Variants in SOBP observed in about 807,000 individuals in gnomAD.
SOBP encodes the protein sine oculis-binding protein homolog.
In SOBP, 4 loss-of-function variants were observed where a neutral mutation model predicts 53.6. That is an observed-to-expected ratio of 0.07 (90% CI 0.04 to 0.17). The LOEUF (loss-of-function observed/expected upper bound fraction) is 0.17, where lower values mean the gene tolerates loss of function less well. SOBP is among the 10% of genes least tolerant of loss of function. SOBP has a pLI of 1.00. For missense variants in SOBP, 1,088 were observed against 1,204.7 expected (o/e 0.90, Z 1.43); for synonymous variants, 584 against 522.6 (o/e 1.12, Z -1.60).
At chr6:107,512,099 A>C (rs1783187275) in intron 3 of SOBP, among the ~76,000 whole-genome samples, 1 of 152,204 alleles carries the variant, frequency 6.6e-6, no homozygotes, top group Non-Finnish European at 1.5e-5. Flanking sequence ...GAAAATAATA[A>C]AAGTATTGAC....
At chr6:107,586,602 G>T (rs1486078033) in intron 4 of SOBP, among the ~76,000 whole-genome samples, 1 of 151,792 alleles carries the variant, frequency 6.6e-6, no homozygotes, top group Non-Finnish European at 1.5e-5. Context: ...ATTTAAAAAT[G>T]GAGGGGAATC....
In SOBP at chr6:107,661,140, C is replaced by T. The variant is rs961569849; in HGVS notation, c.*2937C>T. Among the ~76,000 whole-genome samples, 1 of 152,152 alleles carries T rather than the reference C, an allele frequency of 6.6e-6. No individual in the cohort carries two copies. Among genetic ancestry groups the T allele is most frequent in the African/African-American group, 2.4e-5 (1 of 41,430 alleles). On this transcript the variant is annotated 3_prime_UTR_variant, in exon 7 of 7. Transcript: ENST00000317357. The stretch of plus-strand genomic sequence containing the variant: ...AAGATTGTCAAGCAAACATTTTGAC[C>T]CTTCTGGAAACAAAAGGTACCTTTG...
intron 5 of SOBP, among the ~76,000 whole-genome samples, chr6:107,599,873 G>A (rs1786112040): frequency 6.6e-6 from 1 of 152,158 alleles, no homozygotes; most frequent in African/African-American, 2.4e-5. Flanking sequence ...TGTTTCAGTT[G>A]TAAACATGAA....
chr6:107,551,964 T>C (rs903959810), intron 4 of SOBP, among the ~76,000 whole-genome samples: 2 of 152,144 alleles, frequency 1.3e-5, no homozygotes, highest in Admixed American at 6.5e-5. Flanking sequence ...GAGGTTTCAG[T>C]GAGCTGAGAT....
chr6:107,581,230 A>G (rs1785392046), intron 4 of SOBP, among the ~76,000 whole-genome samples: 1 of 152,196 alleles, frequency 6.6e-6, no homozygotes, highest in African/African-American at 2.4e-5. Context: ...GGCAAGGACC[A>G]GGAGGAAGAG....
intron 2 of SOBP, among the ~76,000 whole-genome samples, chr6:107,504,066 A>T (rs1330852389): frequency 6.6e-6 from 1 of 152,248 alleles, no homozygotes. Flanking sequence ...GGTCCTGCAT[A>T]CAGATTTAAA....
chr6:107,556,871 A>G (rs1414057320), intron 4 of SOBP, among the ~76,000 whole-genome samples: 1 of 152,268 alleles, frequency 6.6e-6, no homozygotes, highest in East Asian at 1.9e-4. Context: ...GACTGATGAA[A>G]GAGAACCATG....
chr6:107,622,499 A>C (rs752815625), intron 5 of SOBP, among the ~76,000 whole-genome samples: 1 of 152,256 alleles, frequency 6.6e-6, no homozygotes, highest in Non-Finnish European at 1.5e-5. Flanking sequence ...CATTAGCAGG[A>C]ACAAACAATT....
chr6:107,532,602 A>C (rs13436986), intron 3 of SOBP, among the ~76,000 whole-genome samples: 6,468 of 152,266 alleles, frequency 0.042, 463 homozygotes, highest in African/African-American at 0.15. Flanking sequence ...TCTCATACAA[A>C]GGAAAAGAAA....
intron 2 of SOBP, 130 bp from the exon 3 acceptor site, chr6:107,506,112 C>A: frequency 2.5e-6 from 2 of 787,262 alleles, no homozygotes; most frequent in Non-Finnish European, 4.2e-6. Flanking sequence ...AGTTCTAGTA[C>A]ATTGTTTAAA....
chr6:107,634,656 GGCCCTGAGCCTGGCGCCCACGCCC>G lies in SOBP; in HGVS notation c.1816_1839del (p.Leu606_Ala613del). 2 of 1,560,358 alleles carry G rather than the reference GGCCCTGAGCCTGGCGCCCACGCCC, an allele frequency of 1.3e-6. No homozygotes were observed. The highest frequency in any genetic ancestry group is 1.7e-6 in the Non-Finnish European group (2 of 1,159,252). ...ACTCGCCCCCCGGCTGCTCGGGCCAGGCCCTGAGCCTGGCGCCCACGCCCGCCGAGCATGGCCGGAGCGAGGTGG... is the reference window on the plus strand; with the variant it reads ...ACTCGCCCCCCGGCTGCTCGGGCCAGGCCGAGCATGGCCGGAGCGAGGTGG... On this transcript the variant is annotated inframe_deletion, in exon 6 of 7. Transcript: ENST00000317357. The surrounding 1 kb of genome is among the most constrained non-coding windows in gnomAD (Gnocchi z 4.5).
At chr6:107,639,275 G>A (rs969100972) in intron 6 of SOBP, among the ~76,000 whole-genome samples, 1 of 152,122 alleles carries the variant, frequency 6.6e-6, no homozygotes, top group African/African-American at 2.4e-5. Context: ...TAGCAACCGA[G>A]GCAGCTACAG....
intron 3 of SOBP, among the ~76,000 whole-genome samples, chr6:107,531,923 G>A (rs1783834648): frequency 6.6e-6 from 1 of 152,066 alleles, no homozygotes. Flanking sequence ...GGGGAAAAAA[G>A]CCATATCTCT....
At chr6:107,518,754 T>TTTG (rs1554290336) in intron 3 of SOBP, among the ~76,000 whole-genome samples, 19 of 117,048 alleles carry the variant, frequency 1.6e-4, no homozygotes, top group Non-Finnish European at 3.9e-4. Flanking sequence ...AAGGCTGTTT[T>TTTG]TTTTTTTTTT....
chr6:107,530,956 A>C (rs1176836006), intron 3 of SOBP, among the ~76,000 whole-genome samples: 1 of 152,258 alleles, frequency 6.6e-6, no homozygotes, highest in African/African-American at 2.4e-5. Context: ...CCTTTAAAAA[A>C]TGACAAGTGG....
rs78716062 is a variant in SOBP at position 107,598,556 on chromosome 6, A to G, written c.669+11381A>G. ...AATGAATTCAGTAGGTTGTGGTCAG[A>G]TAATAAAAACAGTGACAGCCAAACA... On this transcript the variant is annotated intron_variant, in intron 5 of 6. Transcript: ENST00000317357. Among the ~76,000 whole-genome samples the G allele has an allele frequency of 6.8e-4, 103 of 152,340 alleles. 1 individual carries two copies. In the East Asian group the frequency reaches 0.019, roughly 28 times the overall value.
At chr6:107,576,186 C>T (rs1228403519) in intron 4 of SOBP, among the ~76,000 whole-genome samples, 1 of 152,212 alleles carries the variant, frequency 6.6e-6, no homozygotes, top group Non-Finnish European at 1.5e-5. Context: ...GTTTGAACTT[C>T]ACAGTCTGAA....
At position 107,503,763 on chromosome 6, in the gene SOBP, G is replaced by A; in HGVS notation, c.203G>A (p.Gly68Glu). The A allele has an allele frequency of 6.2e-7, 1 of 1,614,134 alleles. No homozygotes were observed. ...DIEFRSYPTDGESRQHISVLK... is the reference protein window; with the variant it reads ...DIEFRSYPTDEESRQHISVLK... ...GAATTCAGGAGCTACCCTACAGATG[G>A]GGAGAGCCGGCAGCACATTTCTGTT... Residue 68 changes from glycine (G) to glutamate (E), a missense_variant, in exon 2 of 7, where the codon GGG becomes GAG. Coordinates refer to ENST00000317357, the MANE Select transcript of SOBP (RefSeq NM_018013.4).
At chr6:107,588,669 T>C (rs537853679) in intron 5 of SOBP, among the ~76,000 whole-genome samples, 2 of 152,346 alleles carry the variant, frequency 1.3e-5, no homozygotes, top group East Asian at 1.9e-4. Flanking sequence ...AATTTTTGTC[T>C]ATTTGTTGGA....
Sources: gnomAD v4.1 joint callset for allele counts (sites outside exome capture counted in the v4.1 genomes callset) on GRCh38, gnomAD v4.1.1 for gene constraint, Gnocchi (gnomAD v3.1) non-coding constraint, MANE v1.5 for transcripts, NCBI Gene and HGNC (gene_info 2026-07-23, HGNC 2026-07-21) for gene names.